GRIN2A: variants seen among roughly 807,000 people sequenced by gnomAD.
The protein encoded by GRIN2A is glutamate ionotropic receptor NMDA type subunit 2A, also known as glutamate receptor ionotropic, NMDA 2A.
In GRIN2A, 22 loss-of-function variants were observed where a neutral mutation model predicts 113.4. That is an observed-to-expected ratio of 0.19 (90% CI 0.14 to 0.28). GRIN2A has a LOEUF of 0.28. Ranked by LOEUF, GRIN2A falls within the 10% of genes least tolerant of loss-of-function variation. The probability of loss-of-function intolerance (pLI) is 1.00; values close to 1 mark genes in which losing one functional copy is unlikely to be tolerated. For synonymous variants in GRIN2A, 827 were observed against 738.4 expected (o/e 1.12, Z -1.94); for missense variants, 1,502 against 1,887.0 (o/e 0.80, Z 3.78).
Position 9,757,691 on chromosome 16 carries a change from T to G in GRIN2A, c.*5458A>C, listed in dbSNP as rs1900410219. The G allele has an allele frequency of 9.1e-6, 2 of 219,058 alleles. No individual in the cohort carries two copies. Among genetic ancestry groups the G allele is most frequent in the Non-Finnish European group, 1.8e-5 (2 of 109,120 alleles). 13.6% of individuals were successfully genotyped at this position (219,058 alleles called of 1,614,324 possible). Reference sequence around the variant, plus strand: ...ACATAGACCTCAATTATTTCAATGGTCACTGCCAGCCTTTTATCTTCAGTT... The same window carrying G: ...ACATAGACCTCAATTATTTCAATGGGCACTGCCAGCCTTTTATCTTCAGTT... On this transcript the variant is annotated 3_prime_UTR_variant, in exon 13 of 13. Transcript: ENST00000330684.
intron 3 of GRIN2A, among the ~76,000 whole-genome samples, chr16:9,926,253 C>T (rs2044460963): frequency 6.6e-6 from 1 of 152,160 alleles, no homozygotes; most frequent in South Asian, 2.1e-4. Flanking sequence ...GAAATGATCA[C>T]TTAGTCGCAG....
At chr16:10,110,822 A>G (rs906939337) in intron 2 of GRIN2A, among the ~76,000 whole-genome samples, 1 of 152,240 alleles carries the variant, frequency 6.6e-6, no homozygotes, top group Non-Finnish European at 1.5e-5. Context: ...CAGAACCAAA[A>G]GATGAAAGGA....
At chr16:9,838,354 T>G (rs1365621674) in intron 7 of GRIN2A, among the ~76,000 whole-genome samples, 1 of 152,244 alleles carries the variant, frequency 6.6e-6, no homozygotes, top group Non-Finnish European at 1.5e-5. Context: ...CACATATGTT[T>G]ATCAGAGCAC....
At chr16:9,874,501 T>C (rs2043327460) in intron 4 of GRIN2A, among the ~76,000 whole-genome samples, 2 of 152,296 alleles carry the variant, frequency 1.3e-5, no homozygotes, top group East Asian at 3.9e-4. Flanking sequence ...TTGCCAACGC[T>C]GGGGGCACAT....
At chr16:9,933,578 G>A (rs916022354) in intron 3 of GRIN2A, among the ~76,000 whole-genome samples, 1 of 152,206 alleles carries the variant, frequency 6.6e-6, no homozygotes, top group African/African-American at 2.4e-5. Flanking sequence ...TGCAGAGTAA[G>A]ACCTTAATCC....
At chr16:10,060,792 G>C (rs2047539094) in intron 2 of GRIN2A, among the ~76,000 whole-genome samples, 1 of 152,170 alleles carries the variant, frequency 6.6e-6, no homozygotes, top group Admixed American at 6.5e-5. Context: ...AATGAAAGCT[G>C]CGTTTCCTCT....
At chr16:10,102,866 C>T (rs2048426636) in intron 2 of GRIN2A, among the ~76,000 whole-genome samples, 2 of 152,178 alleles carry the variant, frequency 1.3e-5, no homozygotes, top group African/African-American at 4.8e-5. Flanking sequence ...TCCTCCCTTC[C>T]TCCACTGTTC....
intron 2 of GRIN2A, among the ~76,000 whole-genome samples, chr16:9,998,729 TCTC>T (rs2046269538): frequency 6.6e-6 from 1 of 151,622 alleles, no homozygotes; most frequent in African/African-American, 2.4e-5. Flanking sequence ...GTCTCACTCT[TCTC>T]TCTCTCTCTC....
At chr16:9,870,890 G>A (rs560274236) in intron 4 of GRIN2A, among the ~76,000 whole-genome samples, 13 of 152,044 alleles carry the variant, frequency 8.6e-5, no homozygotes, top group Admixed American at 1.3e-4. Flanking sequence ...CACCCTCCTC[G>A]GCCTCCCTAA....
chr16:9,863,207 G>A (rs2141404104), intron 4 of GRIN2A, among the ~76,000 whole-genome samples: 1 of 152,260 alleles, frequency 6.6e-6, no homozygotes, highest in Middle Eastern at 3.4e-3. Context: ...TTTCTTAAGG[G>A]AATATTTCAT....
At chr16:9,998,682 T>C (rs1190092979) in intron 2 of GRIN2A, among the ~76,000 whole-genome samples, 2 of 152,150 alleles carry the variant, frequency 1.3e-5, no homozygotes, top group African/African-American at 4.8e-5. Context: ...TTACTGTATA[T>C]ATCTCTATGT....
At chr16:9,905,120 C>T (rs1261419836) in intron 3 of GRIN2A, among the ~76,000 whole-genome samples, 2 of 152,226 alleles carry the variant, frequency 1.3e-5, no homozygotes, top group African/African-American at 2.4e-5. Context: ...TGAACATCTA[C>T]TTTATGCTAG....
chr16:9,891,546 A>T (rs1368252042), intron 3 of GRIN2A, among the ~76,000 whole-genome samples: 1 of 152,246 alleles, frequency 6.6e-6, no homozygotes, highest in African/African-American at 2.4e-5. Flanking sequence ...GGTTCAGGGT[A>T]AATAAGAAAA....
rs369736951 is a variant in GRIN2A at position 9,758,708 on chromosome 16, C to A, written c.*4441G>T. ...GATCTATATCAAGTGGCAAGCTGAC[C>A]TCATCTGATACAATTAGATATGAAC... On this transcript the variant is annotated 3_prime_UTR_variant, in exon 13 of 13. Transcript: ENST00000330684. 31 of 215,766 alleles carry A rather than the reference C, an allele frequency of 1.4e-4. No individual in the cohort carries two copies. In the South Asian group the frequency reaches 5.6e-3, roughly 39 times the overall value. 13.4% of individuals were successfully genotyped at this position (215,766 alleles called of 1,614,324 possible).
chr16:9,814,854 T>A (rs937551280), intron 10 of GRIN2A, among the ~76,000 whole-genome samples: 7 of 151,968 alleles, frequency 4.6e-5, no homozygotes, highest in Non-Finnish European at 8.8e-5. Flanking sequence ...ACCCCATCTC[T>A]ACTAAAAAAT....
At chr16:10,015,389 C>T (rs2046591666) in intron 2 of GRIN2A, among the ~76,000 whole-genome samples, 1 of 151,446 alleles carries the variant, frequency 6.6e-6, no homozygotes, top group Non-Finnish European at 1.5e-5. Context: ...TCCACAATGT[C>T]TATAAAACAG....
chr16:9,971,336 A>T (rs12927371), intron 2 of GRIN2A, among the ~76,000 whole-genome samples: 72,873 of 152,094 alleles, frequency 0.48, 17,713 homozygotes, highest in South Asian at 0.53. Context: ...TCCAAGCCAC[A>T]TAAAAAGGTT....
intron 10 of GRIN2A, among the ~76,000 whole-genome samples, chr16:9,809,147 C>T (rs573565622): frequency 2.0e-5 from 3 of 152,218 alleles, no homozygotes; most frequent in Admixed American, 6.5e-5. Context: ...AGACCGGGCA[C>T]GGTGGCTCAC....
chr16:9,893,917 C>T (rs997482464), intron 3 of GRIN2A, among the ~76,000 whole-genome samples: 1 of 152,184 alleles, frequency 6.6e-6, no homozygotes, highest in Non-Finnish European at 1.5e-5. Flanking sequence ...TGTTTGTCTT[C>T]TTTCTTACCC....
Sources: gnomAD v4.1 joint callset for allele counts (sites outside exome capture counted in the v4.1 genomes callset) on GRCh38, gnomAD v4.1.1 for gene constraint, MANE v1.5 for transcripts, NCBI Gene and HGNC (gene_info 2026-07-23, HGNC 2026-07-21) for gene names.